The following CTNNBL1 variants were observed in gnomAD, a reference collection of about 807,000 sequenced individuals.
The protein encoded by CTNNBL1 is catenin beta like 1.
In CTNNBL1, 31 loss-of-function variants were observed where a neutral mutation model predicts 72.7. The observed-to-expected ratio is 0.43, with a 90% CI of 0.32 to 0.58. CTNNBL1 has a LOEUF of 0.58. Ranked by LOEUF, CTNNBL1 falls within the 20% of genes least tolerant of loss-of-function variation. The pLI is 0.08. For synonymous variants in CTNNBL1, 240 were observed against 267.3 expected (o/e 0.90, Z 1.00); for missense variants, 534 against 725.1 (o/e 0.74, Z 3.03).
At chr20:37,863,426 C>T (rs2072508842) in intron 15 of CTNNBL1, among the ~76,000 whole-genome samples, 1 of 152,176 alleles carries the variant, frequency 6.6e-6, no homozygotes, top group South Asian at 2.1e-4. Context: ...GTGCTAAGCA[C>T]CCGTCAAGTT....
chr20:37,821,866 C>T (rs1015326082), intron 11 of CTNNBL1, among the ~76,000 whole-genome samples: 1 of 152,134 alleles, frequency 6.6e-6, no homozygotes, highest in Admixed American at 6.5e-5. Flanking sequence ...GTAGCAACCC[C>T]CAGTCAGTCA....
At chr20:37,790,307 G>A (rs998402557) in intron 10 of CTNNBL1, among the ~76,000 whole-genome samples, 2 of 152,204 alleles carry the variant, frequency 1.3e-5, no homozygotes, top group East Asian at 1.9e-4. Context: ...AAACAATATG[G>A]CATTTTATTC....
At chr20:37,697,602 G>A (rs1568740640) in intron 1 of CTNNBL1, among the ~76,000 whole-genome samples, 1 of 152,222 alleles carries the variant, frequency 6.6e-6, no homozygotes, top group Non-Finnish European at 1.5e-5. Context: ...GACTTTGAGA[G>A]ATACGGTAGA....
chr20:37,705,057 C>T (rs1421712349), intron 1 of CTNNBL1, among the ~76,000 whole-genome samples: 1 of 152,180 alleles, frequency 6.6e-6, no homozygotes, highest in Non-Finnish European at 1.5e-5. Flanking sequence ...GGATGGTTCA[C>T]AATAGCTTGT....
At chr20:37,842,864 T>C (rs975106463) in intron 13 of CTNNBL1, among the ~76,000 whole-genome samples, 3 of 152,236 alleles carry the variant, frequency 2.0e-5, no homozygotes, top group African/African-American at 7.2e-5. Context: ...TTACCCCATT[T>C]ACAGATGGAA....
chr20:37,722,474 A>G (rs903867513), intron 1 of CTNNBL1, among the ~76,000 whole-genome samples: 1 of 26,888 alleles, frequency 3.7e-5, no homozygotes, highest in Non-Finnish European at 5.9e-5. Context: ...GCTCCGTCTA[A>G]AATAAATAAA....
At chr20:37,722,745 C>T (rs1361762492) in intron 1 of CTNNBL1, among the ~76,000 whole-genome samples, 1 of 152,156 alleles carries the variant, frequency 6.6e-6, no homozygotes, top group Non-Finnish European at 1.5e-5. Flanking sequence ...TCATGTGGCT[C>T]TTAAGTGATT....
At chr20:37,740,366 C>T (rs1340263587) in intron 3 of CTNNBL1, among the ~76,000 whole-genome samples, 1 of 152,120 alleles carries the variant, frequency 6.6e-6, no homozygotes, top group Non-Finnish European at 1.5e-5. Context: ...AGATCAGAAA[C>T]ATTCAAATTT....
At chr20:37,699,639 G>A (rs1195235883) in intron 1 of CTNNBL1, among the ~76,000 whole-genome samples, 1 of 152,194 alleles carries the variant, frequency 6.6e-6, no homozygotes, top group African/African-American at 2.4e-5. Flanking sequence ...AGTAGACTCA[G>A]TACGACCACT....
rs199865982 is a variant in CTNNBL1, at chr20:37,767,958, G to A, written c.664G>A (p.Val222Met). ...TGGTGTCTGTCTCCCTTCAGCTATT[G>A]TGGAAAACATGGCTGAGTTCCGGCC... Reference protein sequence around the residue: ...ADGVHNTLAIVENMAEFRPEM... With the variant: ...ADGVHNTLAIMENMAEFRPEM... Residue 222 changes from valine (V) to methionine (M), a missense_variant, in exon 7 of 16, where the codon GTG (valine) becomes ATG (methionine). By Grantham distance (21) the Val-to-Met change is conservative. Coordinates refer to ENST00000361383, the MANE Select transcript of CTNNBL1 (RefSeq NM_030877.5). 2 of 1,613,814 alleles carry A rather than the reference G, an allele frequency of 1.2e-6. No homozygotes were observed. The highest frequency in any genetic ancestry group is 1.7e-6 in the Non-Finnish European group (2 of 1,179,750).
intron 13 of CTNNBL1, among the ~76,000 whole-genome samples, chr20:37,846,468 G>A (rs937578829): frequency 2.6e-5 from 4 of 152,118 alleles, no homozygotes; most frequent in Non-Finnish European, 4.4e-5. Flanking sequence ...TAAGGTGTAT[G>A]TCCCAGTTTG....
rs2073832932 is a variant in CTNNBL1 at position 37,802,756 on chromosome 20, T to C, written c.1032-111T>C. On this transcript the variant is annotated intron_variant, in intron 10 of 15. Coordinates refer to ENST00000361383, the MANE Select transcript of CTNNBL1 (RefSeq NM_030877.5). ...CTTCTCCTAATTGTTAACAAGTATG[T>C]AATATTTCCATTTAGATGTATAATG... 6 of 826,302 alleles carry C rather than the reference T, an allele frequency of 7.3e-6. No individual in the cohort carries two copies. In the East Asian group the frequency reaches 1.5e-4, roughly 20 times the overall value. 51.2% of individuals were successfully genotyped at this position (826,302 alleles called of 1,614,324 possible).
At chr20:37,833,758 A>G (rs561964424) in intron 11 of CTNNBL1, among the ~76,000 whole-genome samples, 1 of 152,284 alleles carries the variant, frequency 6.6e-6, no homozygotes, top group Non-Finnish European at 1.5e-5. Context: ...GCCAGCAGAT[A>G]AACCTGTTAT....
intron 1 of CTNNBL1, among the ~76,000 whole-genome samples, chr20:37,719,674 A>G (rs2073023164): frequency 6.6e-6 from 1 of 152,180 alleles, no homozygotes; most frequent in South Asian, 2.1e-4. Flanking sequence ...AGTGGGATTT[A>G]TCTTACTTTT....
intron 1 of CTNNBL1, among the ~76,000 whole-genome samples, chr20:37,699,549 CTT>C (rs1213963902): frequency 6.6e-6 from 1 of 152,184 alleles, no homozygotes; most frequent in Non-Finnish European, 1.5e-5. Context: ...GATTTGAAAA[CTT>C]TTTAAAGTTG....
chr20:37,835,380 A>G lies in CTNNBL1; in HGVS notation c.1214-4722A>G, dbSNP rs533960799. 2.0e-5 allele frequency among the ~76,000 whole-genome samples: 3 copies of G among 152,308 alleles called. No homozygotes were observed. The East Asian group carries it at 5.8e-4, about 29-fold the overall frequency. ...GTTTCTCTGGAGAACCCTAATACAC[A>G]TAGGAAAAGATGTTTAACCTCATTC... On this transcript the variant is annotated intron_variant, in intron 11 of 15. Transcript: ENST00000361383.
intron 1 of CTNNBL1, among the ~76,000 whole-genome samples, chr20:37,696,056 A>G (rs1444384938): frequency 6.6e-6 from 1 of 152,212 alleles, no homozygotes; most frequent in Non-Finnish European, 1.5e-5. Context: ...CCGGCTTGGA[A>G]TTTCTAGAAT....
rs945373204 is a variant in CTNNBL1 at position 37,767,911 on chromosome 20, C to T, written c.659-42C>T. On this transcript the variant is annotated intron_variant, in intron 6 of 15. Transcript: ENST00000361383. ...GAAGCAAGCTTGTTGCAGATGGAAA[C>T]AAAGTTGTCCTCCCAAATGACTGGT... is the stretch of plus-strand genomic sequence containing the variant. The T allele has an allele frequency of 9.7e-6, 15 of 1,545,626 alleles. No homozygotes were observed. In the East Asian group the frequency reaches 2.9e-4, roughly 30 times the overall value.
chr20:37,857,549 G>A (rs889956418), intron 13 of CTNNBL1, among the ~76,000 whole-genome samples: 6 of 152,264 alleles, frequency 3.9e-5, no homozygotes, highest in East Asian at 1.9e-4. Context: ...CATAGGAGCC[G>A]AGATGAAAAG....
Sources: allele counts gnomAD v4.1 joint callset (sites outside exome capture counted in the v4.1 genomes callset), GRCh38; gene constraint gnomAD v4.1.1; transcripts MANE v1.5; gene names NCBI Gene and HGNC (gene_info 2026-07-23, HGNC 2026-07-21).